Variants in TMCC2 observed in about 807,000 individuals in gnomAD.
The protein encoded by TMCC2 is transmembrane and coiled-coil domains protein 2.
A neutral mutation model predicts 49.4 loss-of-function variants in TMCC2; 16 were observed. That is an observed-to-expected ratio of 0.32 (90% CI 0.22 to 0.49). TMCC2 has a LOEUF of 0.49. Ranked by LOEUF, TMCC2 falls within the 20% of genes least tolerant of loss-of-function variation. The probability of loss-of-function intolerance (pLI) is 0.99; values close to 1 mark genes in which losing one functional copy is unlikely to be tolerated. For synonymous variants in TMCC2, 397 were observed against 434.1 expected (o/e 0.91, Z 1.06); for missense variants, 762 against 989.8 (o/e 0.77, Z 3.09).
At chr1:205,254,739 C>T (rs1395204626) in intron 2 of TMCC2, among the ~76,000 whole-genome samples, 1 of 152,154 alleles carries the variant, frequency 6.6e-6, no homozygotes, top group Non-Finnish European at 1.5e-5. Flanking sequence ...GGTGGTGCAG[C>T]ATGGCCTTGC....
intron 2 of TMCC2, among the ~76,000 whole-genome samples, chr1:205,260,996 A>G (rs1033950462): frequency 2.0e-5 from 3 of 152,180 alleles, no homozygotes; most frequent in African/African-American, 7.2e-5. Context: ...ATTTGTGTAC[A>G]AATGAGTGTT....
intron 2 of TMCC2, among the ~76,000 whole-genome samples, chr1:205,258,711 C>T (rs1321809415): frequency 1.3e-5 from 2 of 152,208 alleles, no homozygotes; most frequent in Non-Finnish European, 2.9e-5. Context: ...AATTTTTCCA[C>T]CCTGCTCTTG....
At chr1:205,259,376 T>A (rs772209645) in intron 2 of TMCC2, among the ~76,000 whole-genome samples, 13 of 152,162 alleles carry the variant, frequency 8.5e-5, no homozygotes, top group Non-Finnish European at 1.5e-4. Flanking sequence ...AGCTTTCTCG[T>A]GCAGCTGGGA....
At chr1:205,271,079 C>G (rs761787819) in intron 3 of TMCC2, 41 bp from the exon 4 acceptor site, 10 of 1,605,690 alleles carry the variant, frequency 6.2e-6, no homozygotes, top group Non-Finnish European at 8.5e-6. Flanking sequence ...AGTGGAAGCT[C>G]GGGGAGCCAG....
At chr1:205,262,770 G>A (rs1661166013) in intron 2 of TMCC2, among the ~76,000 whole-genome samples, 2 of 152,092 alleles carry the variant, frequency 1.3e-5, no homozygotes, top group South Asian at 4.1e-4. Flanking sequence ...CTACATCCCC[G>A]TGTCCTTCTT....
intron 1 of TMCC2, chr1:205,229,688 GC>G: frequency 3.0e-6 from 3 of 985,640 alleles, no homozygotes; most frequent in Non-Finnish European, 3.6e-6. Flanking sequence ...AGGTGGTGGA[GC>G]AGTGCTTGGG....
intron 2 of TMCC2, among the ~76,000 whole-genome samples, chr1:205,255,957 T>C (rs916513615): frequency 3.3e-5 from 5 of 152,168 alleles, no homozygotes; most frequent in Non-Finnish European, 7.3e-5. Context: ...CTATGTAATA[T>C]GCTTTGCCAG....
intron 2 of TMCC2, chr1:205,246,552 G>T: frequency 6.5e-7 from 1 of 1,544,640 alleles, no homozygotes; most frequent in Non-Finnish European, 8.7e-7. Flanking sequence ...AGAGTGAGGA[G>T]CTCTGCACGC....
chr1:205,244,969 G>A (rs1341713337), intron 2 of TMCC2, among the ~76,000 whole-genome samples: 1 of 152,170 alleles, frequency 6.6e-6, no homozygotes, highest in African/African-American at 2.4e-5. Flanking sequence ...TACTCATAGA[G>A]CATGACAGAC....
chr1:205,232,700 C>T (rs1282231492), intron 1 of TMCC2, among the ~76,000 whole-genome samples: 3 of 151,912 alleles, frequency 2.0e-5, no homozygotes, highest in Admixed American at 6.6e-5. Flanking sequence ...TTTGGTAGGC[C>T]GAGGTTGGTG....
At chr1:205,254,328 A>G (rs1660779192) in intron 2 of TMCC2, among the ~76,000 whole-genome samples, 1 of 152,198 alleles carries the variant, frequency 6.6e-6, no homozygotes, top group African/African-American at 2.4e-5. Flanking sequence ...CTCAGCGCCT[A>G]CAGTGACTTG....
chr1:205,269,125 A>C lies in TMCC2; in HGVS notation c.923A>C (p.Glu308Ala). Reference sequence around the variant, plus strand: ...ACCGAGCAGATCAAGATTGAGCAGGAGGCTCGCGACGACAATGTGGCAGAG... The same window carrying C: ...ACCGAGCAGATCAAGATTGAGCAGGCGGCTCGCGACGACAATGTGGCAGAG... ...KITEQIKIEQ[E>A]ARDDNVAEYL... Residue 308 changes from glutamate to alanine, a missense_variant, in exon 3 of 5, where the codon GAG (glutamate) becomes GCG (alanine). Physicochemically the swap from Glu to Ala is moderately radical, Grantham distance 107 (BLOSUM62 -1). Transcript: ENST00000358024. 1 of 1,614,136 alleles carries C rather than the reference A, an allele frequency of 6.2e-7. No individual in the cohort carries two copies. Among genetic ancestry groups the C allele is most frequent in the Non-Finnish European group, 8.5e-7 (1 of 1,180,030 alleles).
At position 205,273,326 on chromosome 1, in the gene TMCC2, C is replaced by G. The variant is rs1466180732; in HGVS notation, c.*1202C>G. 1.3e-5 allele frequency: 2 copies of G among 152,194 alleles called. No homozygotes were observed. The highest frequency in any genetic ancestry group is 2.9e-5 in the Non-Finnish European group (2 of 68,042). The allele number at this position is 152,194 out of a possible 1,614,324, so 9.4% of individuals were successfully genotyped here. ...TGCACCTTCCTGAGAAATAAATATC[C>G]TCTAAATTTTCAAACCATCCTGTCT... On this transcript the variant is annotated 3_prime_UTR_variant, in exon 5 of 5. Coordinates refer to ENST00000358024, the MANE Select transcript of TMCC2 (RefSeq NM_014858.4).
intron 2 of TMCC2, among the ~76,000 whole-genome samples, chr1:205,260,112 A>AG (rs955586032): frequency 1.3e-5 from 2 of 152,166 alleles, no homozygotes; most frequent in Admixed American, 6.5e-5. Context: ...TTCTCCTCTT[A>AG]GAGCTTGCCC....
chr1:205,244,209 G>GT (rs1177220421), intron 2 of TMCC2, among the ~76,000 whole-genome samples: 1 of 152,078 alleles, frequency 6.6e-6, no homozygotes, highest in Non-Finnish European at 1.5e-5. Context: ...GGTTTTGTTG[G>GT]TTTTTTTAAG....
At chr1:205,256,200 C>T in intron 2 of TMCC2, 1 of 1,464,922 alleles carries the variant, frequency 6.8e-7, no homozygotes, top group South Asian at 1.4e-5. Context: ...TCACCAGACT[C>T]AAGTGGGTGC....
intron 1 of TMCC2, among the ~76,000 whole-genome samples, chr1:205,238,484 A>G (rs1176462407): frequency 6.6e-6 from 1 of 152,032 alleles, no homozygotes; most frequent in Non-Finnish European, 1.5e-5. Flanking sequence ...GTCTGCTGGG[A>G]CAAAGGTCCT....
chr1:205,257,053 G>A (rs1240666072), intron 2 of TMCC2: 2 of 727,356 alleles, frequency 2.7e-6, no homozygotes, highest in African/African-American at 1.8e-5. Flanking sequence ...TGGACTTGTG[G>A]AGGGGCATCT....
Position 205,249,150 on chromosome 1 carries a change from G to A in TMCC2, c.747+7106G>A, listed in dbSNP as rs555871199. Among the ~76,000 whole-genome samples the A allele has an allele frequency of 5.6e-4, 86 of 152,320 alleles. No homozygotes were observed. In the South Asian group the frequency reaches 0.011, roughly 20 times the overall value. ...GTGAGGAGGGTGGAGAGATGACAAC[G>A]TCCTGACTGGATGCTTCCCTGTGGC... On this transcript the variant is annotated intron_variant, in intron 2 of 4. Transcript: ENST00000358024.
Sources: gnomAD v4.1 joint callset for allele counts (sites outside exome capture counted in the v4.1 genomes callset) on GRCh38, gnomAD v4.1.1 for gene constraint, MANE v1.5 for transcripts, NCBI Gene and HGNC (gene_info 2026-07-23, HGNC 2026-07-21) for gene names.